ECPAS: variants seen among roughly 807,000 people sequenced by gnomAD.
The protein encoded by ECPAS is proteasome adapter and scaffold protein ECM29.
ECPAS carries 70 observed loss-of-function variants against 255.1 expected under a neutral mutation model. The observed-to-expected ratio is 0.27, with a 90% CI of 0.23 to 0.33. The LOEUF is 0.33. ECPAS is among the 10% of genes least tolerant of loss of function. The pLI is 1.00. For synonymous variants in ECPAS, 784 were observed against 775.0 expected (o/e 1.01, Z -0.19); for missense variants, 1,817 against 2,206.4 (o/e 0.82, Z 3.54).
intron 23 of ECPAS, among the ~76,000 whole-genome samples, chr9:111,409,286 C>T (rs1425533091): frequency 1.3e-5 from 2 of 152,128 alleles, no homozygotes; most frequent in Admixed American, 6.6e-5. Context: ...AGGCCAGGCT[C>T]GGTGGCTCAA....
intron 20 of ECPAS, among the ~76,000 whole-genome samples, chr9:111,413,463 A>G (rs2098198060): frequency 6.6e-6 from 1 of 152,224 alleles, no homozygotes; most frequent in Non-Finnish European, 1.5e-5. Context: ...GTGTATGTAC[A>G]TAAGTAAACT....
In ECPAS at chr9:111,373,420, A is replaced by G. The variant is rs546180966; in HGVS notation, c.4178-14T>C. ...TCATAAGTTTACCTACCAGAAATAAAGAGAAAAAAATCTGATACTTGGTTG... is the reference window on the plus strand; with the variant it reads ...TCATAAGTTTACCTACCAGAAATAAGGAGAAAAAAATCTGATACTTGGTTG... On this transcript the variant is annotated splice_polypyrimidine_tract_variant and intron_variant, in intron 39 of 49. Transcript: ENST00000684092. The G allele has an allele frequency of 6.2e-7, 1 of 1,609,048 alleles. No homozygotes were observed. The highest frequency in any genetic ancestry group is 1.1e-5 in the South Asian group (1 of 90,428).
chr9:111,423,214 A>G lies in ECPAS; in HGVS notation c.1250T>C (p.Val417Ala). The change falls in exon 13 of 50, where the codon GTT becomes GCT. Residue 417 changes from valine (V) to alanine (A), a missense_variant. Transcript: ENST00000684092. ...GTTTACTCACCTGGAGAGTTTTCCA[A>G]CAGCTGAATATGCCATTGACAGTAG... ...PKLLSMAYSA[V>A]GKLSSRMPHL... is the part of the protein sequence containing the mutation. 1.3e-6 allele frequency: 2 copies of G among 1,560,852 alleles called. No homozygotes were observed. The highest frequency in any genetic ancestry group is 8.7e-7 in the Non-Finnish European group (1 of 1,150,864).
intron 46 of ECPAS, among the ~76,000 whole-genome samples, chr9:111,368,530 C>A (rs2098123479): frequency 6.6e-6 from 1 of 152,132 alleles, no homozygotes; most frequent in South Asian, 2.1e-4. Context: ...AAAATACTAT[C>A]CCCCAGTACC....
chr9:111,443,864 G>T (rs1195212225), intron 4 of ECPAS, among the ~76,000 whole-genome samples: 1 of 152,114 alleles, frequency 6.6e-6, no homozygotes, highest in Non-Finnish European at 1.5e-5. Flanking sequence ...TTTTTATGAA[G>T]ACAACACTTT....
chr9:111,414,358 CT>C (rs1279205997), intron 19 of ECPAS, 70 bp downstream of exon 19: 1 of 1,324,088 alleles, frequency 7.6e-7, no homozygotes, highest in African/African-American at 1.5e-5. Context: ...GCTATAAATT[CT>C]TAGCAAAGTT....
chr9:111,481,998 G>C (rs1003391393), intron 1 of ECPAS, among the ~76,000 whole-genome samples: 2 of 152,218 alleles, frequency 1.3e-5, no homozygotes, highest in Non-Finnish European at 2.9e-5. Context: ...TTTACAAGAC[G>C]AAGAGTTCTG....
In ECPAS at chr9:111,397,038, G is replaced by A. The variant is rs764657972; in HGVS notation, c.2768C>T (p.Pro923Leu). The A allele has an allele frequency of 1.9e-6, 3 of 1,613,818 alleles. No homozygotes were observed. The highest frequency in any genetic ancestry group is 1.1e-5 in the South Asian group (1 of 91,084). ...AWQMTEEEYT[P>L]PAGAKVNDVV... is the part of the protein sequence containing the mutation. ...AGCTGAATATTTGGTACCAGCAGGT[G>A]GAGTATATTCCTCTTCAGTCATTTG... The change falls in exon 25 of 50, where the codon CCA (proline) becomes CTA (leucine). Residue 923 changes from proline to leucine, a missense_variant. Pro to Leu is a moderately conservative substitution (Grantham distance 98). Transcript: ENST00000684092.
chr9:111,377,507 G>C (rs571245369), intron 36 of ECPAS, among the ~76,000 whole-genome samples: 1 of 152,268 alleles, frequency 6.6e-6, no homozygotes, highest in South Asian at 2.1e-4. Context: ...TAAAACCTTT[G>C]ATGTTGCAAA....
chr9:111,363,562 C>G, intron 49 of ECPAS, 26 bp downstream of exon 49: 1 of 1,404,758 alleles, frequency 7.1e-7, no homozygotes, highest in Non-Finnish European at 1.0e-6. Context: ...TTTATGGTCC[C>G]CCAGTCAGAA....
At chr9:111,371,582 G>T in intron 43 of ECPAS, 39 bp downstream of exon 43, 3 of 1,532,286 alleles carry the variant, frequency 2.0e-6, no homozygotes, top group Non-Finnish European at 1.8e-6. Flanking sequence ...GAAAGATGAA[G>T]TCAGAATCCC....
chr9:111,453,120 G>A (rs1193507206), intron 2 of ECPAS, among the ~76,000 whole-genome samples: 1 of 152,082 alleles, frequency 6.6e-6, no homozygotes, highest in Non-Finnish European at 1.5e-5. Flanking sequence ...GGTGGCGAGT[G>A]CCTATGGTCC....
intron 2 of ECPAS, among the ~76,000 whole-genome samples, chr9:111,469,535 G>A (rs188471904): frequency 1.3e-5 from 2 of 151,210 alleles, no homozygotes; most frequent in East Asian, 3.9e-4. Context: ...GTCCCGCCAG[G>A]CGCGGTGGCT....
intron 20 of ECPAS, among the ~76,000 whole-genome samples, chr9:111,413,122 T>C (rs2131734137): frequency 6.6e-6 from 1 of 152,334 alleles, no homozygotes; most frequent in South Asian, 2.1e-4. Flanking sequence ...GGGTGTGGCA[T>C]TACCTATGAA....
chr9:111,444,572 T>C, intron 3 of ECPAS, 78 bp from the exon 4 acceptor site: 1 of 930,076 alleles, frequency 1.1e-6, no homozygotes, highest in Middle Eastern at 2.3e-4. Flanking sequence ...ATTTATCAGA[T>C]GTTATCTATG....
chr9:111,467,262 G>A (rs1291305439), intron 2 of ECPAS, among the ~76,000 whole-genome samples: 1 of 152,066 alleles, frequency 6.6e-6, no homozygotes, highest in African/African-American at 2.4e-5. Flanking sequence ...AGAGAAGAGA[G>A]AAGAGAAGAG....
intron 8 of ECPAS, among the ~76,000 whole-genome samples, chr9:111,431,010 G>A (rs1043364390): frequency 1.3e-5 from 2 of 152,288 alleles, no homozygotes; most frequent in South Asian, 2.1e-4. Flanking sequence ...GGTAGGATTC[G>A]TCTGTTTAAC....
Position 111,361,716 on chromosome 9 carries a change from G to T in ECPAS, c.*314C>A. The T allele has an allele frequency of 5.4e-6, 1 of 184,578 alleles. No homozygotes were observed. The highest frequency in any genetic ancestry group is 1.1e-5 in the Non-Finnish European group (1 of 89,664). The allele number at this position is 184,578 out of a possible 1,614,324, so 11.4% of individuals were successfully genotyped here. ...CAGTTCTAAGATTTTTATCCAGCTT[G>T]CTCTGCAACTCTGTCTATTAATTCC... On this transcript the variant is annotated 3_prime_UTR_variant, in exon 50 of 50. Transcript: ENST00000684092.
intron 18 of ECPAS, among the ~76,000 whole-genome samples, chr9:111,415,958 C>T (rs1055293220): frequency 6.6e-6 from 1 of 152,148 alleles, no homozygotes; most frequent in Non-Finnish European, 1.5e-5. Flanking sequence ...ATAACCCTAA[C>T]AACCTCAACA....
Sources: allele counts gnomAD v4.1 joint callset (sites outside exome capture counted in the v4.1 genomes callset), GRCh38; gene constraint gnomAD v4.1.1; transcripts MANE v1.5; gene names NCBI Gene and HGNC (gene_info 2026-07-23, HGNC 2026-07-21).